ANTXR2: variants seen among roughly 807,000 people sequenced by gnomAD.
ANTXR2 encodes ANTXR cell adhesion molecule 2.
In ANTXR2, 44 loss-of-function variants were observed where a neutral mutation model predicts 73.7. The ratio of observed to expected loss-of-function variants is 0.60; its 90% CI spans 0.47 to 0.77. ANTXR2 has a LOEUF of 0.77. ANTXR2 is among the 30% of genes least tolerant of loss of function. The probability of loss-of-function intolerance (pLI) is 0.00; values close to 1 mark genes in which losing one functional copy is unlikely to be tolerated. For synonymous variants in ANTXR2, 217 were observed against 205.9 expected, an observed-to-expected ratio of 1.05 and a Z score of -0.46; for missense variants, 604 against 592.5, an observed-to-expected ratio of 1.02 and a Z score of -0.20.
At chr4:80,008,476 CTT>C in intron 12 of ANTXR2, 43 bp downstream of exon 12, 1 of 1,470,508 alleles carries the variant, frequency 6.8e-7, no homozygotes, top group Non-Finnish European at 9.4e-7. Context: ...TACTTTACAT[CTT>C]TCTAATTTTT....
At chr4:79,978,761 TTAA>T (rs1729756842) in intron 14 of ANTXR2, among the ~76,000 whole-genome samples, 2 of 152,266 alleles carry the variant, frequency 1.3e-5, no homozygotes, top group Admixed American at 1.3e-4. Flanking sequence ...TTGAAATGGG[TTAA>T]TAAGTTTCCA....
chr4:79,962,218 G>A (rs533262384), intron 16 of ANTXR2, among the ~76,000 whole-genome samples: 1 of 152,130 alleles, frequency 6.6e-6, no homozygotes, highest in African/African-American at 2.4e-5. Context: ...TACACAGTGA[G>A]CAAATATGTC....
At chr4:79,953,691 A>G (rs1728787501) in intron 16 of ANTXR2, among the ~76,000 whole-genome samples, 1 of 151,990 alleles carries the variant, frequency 6.6e-6, no homozygotes, top group Non-Finnish European at 1.5e-5. Flanking sequence ...ACCACTAATT[A>G]TATTTCTTTT....
At chr4:80,046,910 T>A (rs1578183138) in intron 7 of ANTXR2, among the ~76,000 whole-genome samples, 1 of 151,866 alleles carries the variant, frequency 6.6e-6, no homozygotes, top group Non-Finnish European at 1.5e-5. Flanking sequence ...TGTACATTTT[T>A]CCTCATAATG....
At chr4:79,944,861 C>A (rs914476409) in intron 16 of ANTXR2, among the ~76,000 whole-genome samples, 1 of 152,024 alleles carries the variant, frequency 6.6e-6, no homozygotes. Context: ...GTGACGCCTG[C>A]GAACAGGAAG....
intron 16 of ANTXR2, among the ~76,000 whole-genome samples, chr4:79,929,384 A>T (rs754759627): frequency 6.6e-6 from 1 of 152,010 alleles, no homozygotes; most frequent in Non-Finnish European, 1.5e-5. Context: ...GTGGTGGCAG[A>T]TGCCTGTAAT....
chr4:79,957,918 G>A (rs531429844), intron 16 of ANTXR2, among the ~76,000 whole-genome samples: 27 of 152,064 alleles, frequency 1.8e-4, no homozygotes, highest in African/African-American at 5.8e-4. Context: ...GTTTCAATCC[G>A]TTTACTTCCA....
At chr4:79,999,320 A>G (rs947933908) in intron 12 of ANTXR2, among the ~76,000 whole-genome samples, 15 of 151,910 alleles carry the variant, frequency 9.9e-5, no homozygotes, top group African/African-American at 3.6e-4. Context: ...TGATTATTTA[A>G]TGAGGCAGTT....
At chr4:80,061,091 G>C (rs540796584) in intron 3 of ANTXR2, among the ~76,000 whole-genome samples, 75 of 152,238 alleles carry the variant, frequency 4.9e-4, no homozygotes, top group African/African-American at 1.6e-3. Flanking sequence ...GGTGGTCTCA[G>C]AGTAGTCAAA....
intron 10 of ANTXR2, among the ~76,000 whole-genome samples, chr4:80,019,193 C>A (rs188192358): frequency 4.6e-5 from 7 of 152,030 alleles, no homozygotes; most frequent in African/African-American, 1.7e-4. Context: ...ATAGTGAAAC[C>A]CCATCTCTAG....
chr4:79,920,926 C>T (rs1052254589), intron 16 of ANTXR2, among the ~76,000 whole-genome samples: 1 of 152,012 alleles, frequency 6.6e-6, no homozygotes, highest in African/African-American at 2.4e-5. Flanking sequence ...ATCCAAACTA[C>T]AATCTTCATG....
intron 12 of ANTXR2, among the ~76,000 whole-genome samples, chr4:79,985,838 CTTTTTTTT>C (rs572381265): frequency 9.0e-6 from 1 of 111,688 alleles, no homozygotes; most frequent in Non-Finnish European, 1.8e-5. Flanking sequence ...ACAGTTAATT[CTTTTTTTT>C]TTTTTTTTTT....
At chr4:80,008,464 C>A in intron 12 of ANTXR2, 57 bp downstream of exon 12, 1 of 1,381,914 alleles carries the variant, frequency 7.2e-7, no homozygotes, top group Non-Finnish European at 1.0e-6. Context: ...TATTTCAGAC[C>A]TTACTTTACA....
chr4:79,959,644 T>C (rs943994751), intron 16 of ANTXR2, among the ~76,000 whole-genome samples: 2 of 152,212 alleles, frequency 1.3e-5, no homozygotes, highest in Non-Finnish European at 2.9e-5. Flanking sequence ...TTAAGTCTAG[T>C]GGGCCTCAGT....
rs997607913 is a variant in ANTXR2 at position 80,072,659 on chromosome 4, G to T, written c.-99C>A. On this transcript the variant is annotated 5_prime_UTR_variant, in exon 1 of 17. Transcript: ENST00000403729. ...AGTCACCCGGCACGCACTCTGGGGT[G>T]GGGGGCGGCGAGCAGCTGAGACGCC... The T allele has an allele frequency of 5.2e-6, 7 of 1,338,562 alleles. No individual in the cohort carries two copies. Among genetic ancestry groups the T allele is most frequent in the Admixed American group, 7.7e-5 (2 of 25,978 alleles). The allele number at this position is 1,338,562 out of a possible 1,614,324, so 82.9% of individuals were successfully genotyped here.
intron 16 of ANTXR2, among the ~76,000 whole-genome samples, chr4:79,929,022 T>G (rs539154896): frequency 6.6e-6 from 1 of 152,226 alleles, no homozygotes; most frequent in African/African-American, 2.4e-5. Context: ...TATTTCAGGG[T>G]ACAATTATCC....
intron 12 of ANTXR2, among the ~76,000 whole-genome samples, chr4:79,993,760 G>GCGCGCGTGCACACACACA (rs71662888): frequency 2.8e-5 from 4 of 140,658 alleles, no homozygotes; most frequent in Admixed American, 2.8e-4. Context: ...ACACACACAC[G>GCGCGCGTGCACACACACA]CACACACACA....
rs759323424 is a variant in ANTXR2 at position 79,983,957 on chromosome 4, G to A, written c.1100C>T (p.Pro367Leu). The A allele has an allele frequency of 9.4e-6, 15 of 1,595,326 alleles. No individual in the cohort carries two copies. Among genetic ancestry groups the A allele is most frequent in the African/African-American group, 8.2e-5 (6 of 73,548 alleles). Residue 367 changes from proline to leucine, a missense_variant, in exon 14 of 17, where the codon CCT becomes CTT. Coordinates refer to ENST00000403729, the MANE Select transcript of ANTXR2 (RefSeq NM_058172.6). ...AGTTGGCCACTTTTTAGTAGGCAAA[G>A]GTTCTTCTTCCTCCTGTGGAAATAT... ...APAPKEEEEEPLPTKKWPTVD... is the reference protein window; with the variant it reads ...APAPKEEEEELLPTKKWPTVD...
intron 7 of ANTXR2, among the ~76,000 whole-genome samples, chr4:80,051,053 A>G (rs1733750274): frequency 6.6e-6 from 1 of 151,646 alleles, no homozygotes; most frequent in African/African-American, 2.4e-5. Flanking sequence ...ATAGTTCTTG[A>G]AGTTCTGTGC....
Sources: allele counts gnomAD v4.1 joint callset (sites outside exome capture counted in the v4.1 genomes callset), GRCh38; gene constraint gnomAD v4.1.1; transcripts MANE v1.5; gene names NCBI Gene and HGNC (gene_info 2026-07-23, HGNC 2026-07-21).